RINT1: variants seen among roughly 807,000 people sequenced by gnomAD.
RINT1 encodes the protein RAD50-interacting protein 1.
RINT1 carries 75 observed loss-of-function variants against 97.7 expected under a neutral mutation model. The ratio of observed to expected loss-of-function variants is 0.77; its 90% CI spans 0.64 to 0.93. The LOEUF (loss-of-function observed/expected upper bound fraction) is 0.93. Among genes scored for constraint, RINT1 ranks in the 40% least tolerant of loss-of-function variants. The probability of loss-of-function intolerance (pLI) is 0.00; values close to 1 mark genes in which losing one functional copy is unlikely to be tolerated. For missense variants in RINT1, 892 were observed against 925.2 expected (o/e 0.96, Z 0.47); for synonymous variants, 303 against 326.3 (o/e 0.93, Z 0.77).
chr7:105,565,147 A>T, intron 12 of RINT1, 130 bp from the exon 13 acceptor site: 2 of 637,888 alleles, frequency 3.1e-6, no homozygotes, highest in Middle Eastern at 4.0e-4. Context: ...AGAGCTTTTA[A>T]TGTTAGGCTG....
In RINT1 at chr7:105,551,705, C is replaced by G; in HGVS notation, c.1469C>G (p.Thr490Ser). Reference protein sequence around the residue: ...ETFMTLLLVITDRYKNLPTAS... With the variant: ...ETFMTLLLVISDRYKNLPTAS... ...TTTATGACTCTACTCTTGGTTATAA[C>G]TGGTAAGTATGTCTTTTAAGATATG... Residue 490 changes from threonine to serine, a missense_variant and splice_region_variant, in exon 10 of 15, where the codon ACT (threonine) becomes AGT (serine). By Grantham distance (58) the Thr-to-Ser change is moderately conservative (BLOSUM62 1). Coordinates refer to ENST00000257700, the MANE Select transcript of RINT1 (RefSeq NM_021930.6). The G allele has an allele frequency of 6.3e-7, 1 of 1,591,142 alleles. No homozygotes were observed. Among genetic ancestry groups the G allele is most frequent in the Admixed American group, 1.8e-5 (1 of 54,554 alleles).
intron 11 of RINT1, among the ~76,000 whole-genome samples, chr7:105,558,309 AT>A (rs1296611405): frequency 2.0e-5 from 3 of 150,278 alleles, no homozygotes; most frequent in African/African-American, 5.0e-5. Context: ...AAAAAAAAAA[AT>A]AAAGTCAGCT....
intron 3 of RINT1, chr7:105,542,117 A>T (rs1219404310): frequency 8.5e-6 from 2 of 234,028 alleles, no homozygotes; most frequent in African/African-American, 4.6e-5. Flanking sequence ...ACGAACTAAT[A>T]AAAAAGGTTA....
chr7:105,555,610 G>A (rs1229707424), intron 11 of RINT1, among the ~76,000 whole-genome samples: 3 of 152,158 alleles, frequency 2.0e-5, no homozygotes, highest in African/African-American at 7.2e-5. Context: ...CCTCTTGAAT[G>A]TCTTCAAAAC....
chr7:105,552,666 C>CTTTTTTTTT (rs386410906), intron 10 of RINT1, among the ~76,000 whole-genome samples: 72 of 80,038 alleles, frequency 9.0e-4, no homozygotes, highest in Non-Finnish European at 1.5e-3. Context: ...TAAATAATTC[C>CTTTTTTTTT]TTTTTTTTTT....
chr7:105,562,866 G>C (rs1791499690), intron 11 of RINT1, among the ~76,000 whole-genome samples: 1 of 152,076 alleles, frequency 6.6e-6, no homozygotes, highest in Non-Finnish European at 1.5e-5. Context: ...TCACCCCACT[G>C]CACTCCAGCC....
intron 3 of RINT1, chr7:105,541,568 G>C (rs1790461219): frequency 6.6e-6 from 1 of 151,746 alleles, no homozygotes; most frequent in Non-Finnish European, 1.5e-5. Flanking sequence ...ATGAGGTCAG[G>C]AGTTCGAGAT....
At chr7:105,535,853 T>C (rs1790209919) in intron 2 of RINT1, among the ~76,000 whole-genome samples, 2 of 152,004 alleles carry the variant, frequency 1.3e-5, no homozygotes, top group Admixed American at 1.3e-4. Context: ...AAAAACACTT[T>C]AAAACAAGAG....
intron 11 of RINT1, among the ~76,000 whole-genome samples, chr7:105,555,705 G>T (rs968396971): frequency 2.6e-4 from 40 of 152,332 alleles, no homozygotes; most frequent in Non-Finnish European, 5.0e-4. Flanking sequence ...ATTTGGCTGG[G>T]TGCAGTGGCT....
rs979483358 is a variant in RINT1, at chr7:105,548,547, A to G, written c.840-7A>G. ...TTGATTCTTTTTCCTTGACTTGATT[A>G]TGTCAGAGATGAATTACTTACTGAG... On this transcript the variant is annotated splice_region_variant and splice_polypyrimidine_tract_variant and intron_variant, in intron 6 of 14. Coordinates refer to ENST00000257700, the MANE Select transcript of RINT1 (RefSeq NM_021930.6). 10 of 1,613,844 alleles carry G rather than the reference A, an allele frequency of 6.2e-6. No homozygotes were observed. The highest frequency in any genetic ancestry group is 7.6e-6 in the Non-Finnish European group (9 of 1,179,806).
chr7:105,561,043 T>A (rs1791415326), intron 11 of RINT1, among the ~76,000 whole-genome samples: 1 of 151,564 alleles, frequency 6.6e-6, no homozygotes, highest in Non-Finnish European at 1.5e-5. Flanking sequence ...AAATGTTTGA[T>A]GACCTTAATA....
chr7:105,553,454 C>T (rs1453445656), intron 10 of RINT1, among the ~76,000 whole-genome samples: 1 of 150,756 alleles, frequency 6.6e-6, no homozygotes, highest in East Asian at 2.1e-4. Context: ...GGCACGGTGG[C>T]TCACACCTGT....
intron 11 of RINT1, among the ~76,000 whole-genome samples, chr7:105,558,307 A>AT (rs1220971571): frequency 2.0e-5 from 3 of 148,990 alleles, no homozygotes; most frequent in East Asian, 2.0e-4. Context: ...AAAAAAAAAA[A>AT]AATAAAGTCA....
intron 11 of RINT1, among the ~76,000 whole-genome samples, chr7:105,559,509 C>T (rs1791334431): frequency 7.7e-6 from 1 of 129,574 alleles, no homozygotes; most frequent in Non-Finnish European, 1.6e-5. Flanking sequence ...CCACTGCACT[C>T]CAGCTTGGGT....
chr7:105,559,956 C>T (rs1486612588), intron 11 of RINT1, among the ~76,000 whole-genome samples: 1 of 152,190 alleles, frequency 6.6e-6, no homozygotes, highest in African/African-American at 2.4e-5. Context: ...CTGAAATAAG[C>T]AGCCATTCAG....
intron 10 of RINT1, 66 bp downstream of exon 10, chr7:105,551,773 G>C: frequency 7.4e-7 from 1 of 1,351,990 alleles, no homozygotes; most frequent in Non-Finnish European, 1.0e-6. Context: ...AGTTTTTAAA[G>C]TAGCTCAGTA....
intron 11 of RINT1, among the ~76,000 whole-genome samples, chr7:105,559,932 A>G (rs1791367123): frequency 6.6e-6 from 1 of 152,226 alleles, no homozygotes; most frequent in African/African-American, 2.4e-5. Context: ...GCCAGTTGCC[A>G]GATTGTGCCA....
chr7:105,534,751 C>T (rs1790160115), intron 2 of RINT1, among the ~76,000 whole-genome samples: 1 of 151,908 alleles, frequency 6.6e-6, no homozygotes, highest in Non-Finnish European at 1.5e-5. Context: ...CAATGTATAG[C>T]TTGGGTTCTG....
intron 10 of RINT1, 54 bp from the exon 11 acceptor site, chr7:105,554,974 C>T: frequency 3.5e-6 from 5 of 1,413,056 alleles, no homozygotes; most frequent in Non-Finnish European, 4.9e-6. Context: ...AAACTTATAA[C>T]TATATCATAG....
Sources: allele counts gnomAD v4.1 joint callset (sites outside exome capture counted in the v4.1 genomes callset), GRCh38; gene constraint gnomAD v4.1.1; transcripts MANE v1.5; gene names NCBI Gene and HGNC (gene_info 2026-07-23, HGNC 2026-07-21).